TNS1: variants seen among roughly 807,000 people sequenced by gnomAD.
The protein encoded by TNS1 is tensin 1.
Under a neutral mutation model 168.6 loss-of-function variants are expected in TNS1, and 62 were observed. The observed-to-expected ratio is 0.37, with a 90% confidence interval of 0.30 to 0.45. The LOEUF (loss-of-function observed/expected upper bound fraction) is 0.45, where lower values mean the gene tolerates loss of function less well. Ranked by LOEUF, TNS1 falls within the 20% of genes least tolerant of loss-of-function variation. TNS1 has a pLI of 1.00. For missense variants in TNS1, 2,240 were observed against 2,339.4 expected (o/e 0.96, Z 0.88); for synonymous variants, 934 against 933.2 (o/e 1.00, Z -0.02).
upstream of TNS1, among the ~76,000 whole-genome samples, chr2:218,013,017 G>A (rs1305954819): frequency 6.6e-6 from 1 of 151,946 alleles, no homozygotes; most frequent in Non-Finnish European, 1.5e-5. Flanking sequence ...GGAGGCTGAG[G>A]CAGGCAGATC....
rs891772834 is a variant in TNS1 at position 217,813,954 on chromosome 2, T to G, written c.4730-138A>C. Reference sequence around the variant, plus strand: ...TTCTTTAAAGTTAAAATTTAACTACTCCTACGGGTCTTCCTGTACTCAGGT... The same window carrying G: ...TTCTTTAAAGTTAAAATTTAACTACGCCTACGGGTCTTCCTGTACTCAGGT... On this transcript the variant is annotated intron_variant, in intron 25 of 32. Coordinates refer to ENST00000682258, the MANE Select transcript of TNS1 (RefSeq NM_001387777.1). The surrounding 1 kb of genome is among the most constrained non-coding windows in gnomAD (Gnocchi z 4.0). 120 of 1,055,098 alleles carry G rather than the reference T, an allele frequency of 1.1e-4. No individual in the cohort carries two copies. The highest frequency in any genetic ancestry group is 1.5e-4 in the Non-Finnish European group (116 of 777,384). The allele number at this position is 1,055,098 out of a possible 1,614,324, so 65.4% of individuals were successfully genotyped here. A position where few individuals can be genotyped will look rare whatever the true frequency, so the allele number is the denominator to read the frequency against.
At chr2:217,981,845 C>A (rs115700133) in intron 2 of TNS1, among the ~76,000 whole-genome samples, 2,032 of 152,274 alleles carry the variant, frequency 0.013, 45 homozygotes, top group African/African-American at 0.046. Context: ...AATCTGCTGG[C>A]CTCTCACTTT....
At chr2:217,828,373 G>C (rs1225301774) in intron 22 of TNS1, among the ~76,000 whole-genome samples, 1 of 152,224 alleles carries the variant, frequency 6.6e-6, no homozygotes, top group African/African-American at 2.4e-5. Context: ...CCCCGCTTAG[G>C]GGGTGGAAAA....
chr2:217,897,998 C>T, intron 7 of TNS1, 29 bp from the exon 8 acceptor site: 1 of 1,573,440 alleles, frequency 6.4e-7, no homozygotes, highest in Non-Finnish European at 8.6e-7. Context: ...GCGGAGGGTC[C>T]ATATCAGAAT....
intron 22 of TNS1, among the ~76,000 whole-genome samples, chr2:217,826,267 T>G (rs1406340510): frequency 2.0e-5 from 3 of 152,242 alleles, no homozygotes; most frequent in African/African-American, 4.8e-5. Context: ...TCTCCAGAAC[T>G]GTTTAAAACC....
chr2:217,900,501 C>T lies in TNS1; in HGVS notation c.333G>A (p.Arg111=), dbSNP rs948784011. 2.0e-6 allele frequency: 3 copies of T among 1,535,468 alleles called. No individual in the cohort carries two copies. ...GGTGGGGCTGGACACTCGGGGTGAC[C>T]CTGGTGGAGCCCTGGGAAGGAGAGA... ...RKSLEDNGST[R]VTPSVQPHLQ... The change falls in exon 7 of 33, where the codon AGG becomes AGA. Residue 111 remains arginine (R), a synonymous_variant. Coordinates refer to ENST00000682258, the MANE Select transcript of TNS1 (RefSeq NM_001387777.1).
chr2:217,915,654 G>A (rs1312094529), intron 4 of TNS1, among the ~76,000 whole-genome samples: 1 of 152,234 alleles, frequency 6.6e-6, no homozygotes, highest in Non-Finnish European at 1.5e-5. Context: ...AGGGGCTCAG[G>A]AGAAGCCCAT....
At chr2:217,903,725 C>T (rs1953305091) in intron 6 of TNS1, 1 of 888,646 alleles carries the variant, frequency 1.1e-6, no homozygotes, top group Admixed American at 2.2e-5. Flanking sequence ...AACCCTCATC[C>T]TTCCTGCTGC....
chr2:217,967,604 C>T (rs1404783994), intron 3 of TNS1, among the ~76,000 whole-genome samples: 1 of 152,082 alleles, frequency 6.6e-6, no homozygotes, highest in Non-Finnish European at 1.5e-5. Context: ...ACTACCAAAA[C>T]TGACTCAAGA....
intron 22 of TNS1, chr2:217,829,922 C>G (rs370831954): frequency 3.7e-6 from 6 of 1,610,600 alleles, no homozygotes; most frequent in Non-Finnish European, 5.1e-6. Flanking sequence ...GAAGGAGAGG[C>G]AGGAAAGAAG....
rs987979018 is a variant in TNS1, at chr2:217,813,611, C to A, written c.4861+74G>T. The A allele has an allele frequency of 1.0e-5, 16 of 1,529,022 alleles. No individual in the cohort carries two copies. The East Asian group carries it at 3.6e-4, about 35-fold the overall frequency. 94.7% of individuals were successfully genotyped at this position (1,529,022 alleles called of 1,614,324 possible). ...TAAGGTCCTGCCCAGCACCCTGGGT[C>A]CCTCCAGCACCTCCAGGTTTAGCGA... On this transcript the variant is annotated intron_variant, in intron 26 of 32. Transcript: ENST00000682258. This position sits in a 1 kb window ranked among gnomAD's most constrained non-coding sequence, Gnocchi z 4.0.
chr2:217,921,001 A>G (rs187623482), intron 3 of TNS1, among the ~76,000 whole-genome samples: 1 of 138,538 alleles, frequency 7.2e-6, no homozygotes, highest in African/African-American at 2.7e-5. Flanking sequence ...GGGAGAGGGA[A>G]GAGGAGAGTG....
intron 1 of TNS1, among the ~76,000 whole-genome samples, chr2:218,016,925 C>T (rs1958766651): frequency 6.6e-6 from 1 of 152,182 alleles, no homozygotes; most frequent in Admixed American, 6.5e-5. Flanking sequence ...GAAGGGCCAG[C>T]ATCCTGGAGA....
At chr2:217,892,846 C>T (rs1240186981) in intron 11 of TNS1, 102 bp downstream of exon 11, 13 of 1,321,532 alleles carry the variant, frequency 9.8e-6, no homozygotes, top group Admixed American at 1.8e-5. Context: ...TCCCTCTGTG[C>T]GTATCCCCTC....
intron 28 of TNS1, 113 bp from the exon 29 acceptor site, chr2:217,810,432 T>C (rs1940638039): frequency 3.1e-6 from 3 of 957,220 alleles, no homozygotes; most frequent in Non-Finnish European, 4.9e-6. Flanking sequence ...CTGCTTTTCA[T>C]ACCAGACCCT....
chr2:217,997,816 T>C (rs543695405), intron 1 of TNS1, among the ~76,000 whole-genome samples: 2 of 152,312 alleles, frequency 1.3e-5, no homozygotes, highest in Admixed American at 6.5e-5. Context: ...CGGTGAGCGA[T>C]TCGTGTTGTC....
chr2:217,978,926 G>T, intron 2 of TNS1, 124 bp from the exon 3 acceptor site: 8 of 678,590 alleles, frequency 1.2e-5, no homozygotes, highest in East Asian at 2.7e-5. Context: ...AAGGAGGGAC[G>T]GAGGGAAGGA....
intron 8 of TNS1, among the ~76,000 whole-genome samples, chr2:217,896,768 T>C (rs984823633): frequency 2.0e-5 from 3 of 152,206 alleles, no homozygotes; most frequent in Non-Finnish European, 4.4e-5. Context: ...GTCTCTTACA[T>C]AAAATATGTA....
At chr2:217,959,096 C>T (rs1575138573) in intron 3 of TNS1, among the ~76,000 whole-genome samples, 2 of 152,108 alleles carry the variant, frequency 1.3e-5, no homozygotes, top group Non-Finnish European at 2.9e-5. Context: ...GTTGGGACAT[C>T]GGCAGCCCAG....
Sources: allele counts gnomAD v4.1 joint callset (sites outside exome capture counted in the v4.1 genomes callset), GRCh38; gene constraint gnomAD v4.1.1; non-coding constraint Gnocchi (gnomAD v3.1); transcripts MANE v1.5; gene names NCBI Gene and HGNC (gene_info 2026-07-23, HGNC 2026-07-21).